Variants in DGKB observed in about 807,000 individuals in gnomAD.
The protein encoded by DGKB is diacylglycerol kinase beta.
DGKB carries 67 observed loss-of-function variants against 114.3 expected under a neutral mutation model. That is an observed-to-expected ratio of 0.59 (90% confidence interval 0.48 to 0.72). DGKB has a LOEUF of 0.72. DGKB is among the 30% of genes least tolerant of loss of function. DGKB has a pLI of 0.00. For missense variants in DGKB, 907 were observed against 975.2 expected (o/e 0.93, Z 0.93); for synonymous variants, 398 against 323.1 (o/e 1.23, Z -2.49).
In DGKB at chr7:14,705,800, G is replaced by A. The variant is rs554084121; in HGVS notation, c.467-4070C>T. Reference sequence around the variant, plus strand: ...TGTCACCACCAGACCTGCCCTAAAAGAGCTCCTGAAGGAAGCGCTAAATAT... The same window carrying A: ...TGTCACCACCAGACCTGCCCTAAAAAAGCTCCTGAAGGAAGCGCTAAATAT... On this transcript the variant is annotated intron_variant, in intron 6 of 25. Coordinates refer to ENST00000402815, the MANE Select transcript of DGKB (RefSeq NM_001350709.2). 8.1e-3 allele frequency among the ~76,000 whole-genome samples: 1,226 copies of A among 151,278 alleles called. 21 individuals are homozygous for A. Among genetic ancestry groups the A allele is most frequent in the African/African-American group, 0.028 (1,160 of 41,164 alleles).
intron 20 of DGKB, among the ~76,000 whole-genome samples, chr7:14,527,143 G>A (rs372768560): frequency 6.6e-6 from 1 of 152,058 alleles, no homozygotes; most frequent in African/African-American, 2.4e-5. Context: ...TGGGTCACCA[G>A]GTCTTGCCTA....
At chr7:14,666,828 G>A (rs1301792009) in intron 13 of DGKB, among the ~76,000 whole-genome samples, 1 of 151,674 alleles carries the variant, frequency 6.6e-6, no homozygotes, top group African/African-American at 2.4e-5. Flanking sequence ...GGAAAATCTT[G>A]ACTAAATCAC....
At position 14,188,551 on chromosome 7, in the gene DGKB, T is replaced by G. The variant is rs6974081; in HGVS notation, c.2123-10400A>C. Among the ~76,000 whole-genome samples, 2 of 141,998 alleles carry G rather than the reference T, an allele frequency of 1.4e-5. 1 individual carries two copies. Among genetic ancestry groups the G allele is most frequent in the Non-Finnish European group, 3.1e-5 (2 of 65,172 alleles). The allele number at this position is 141,998 out of a possible 152,430, so 93.2% of individuals were successfully genotyped here. A position where few individuals can be genotyped will look rare whatever the true frequency, so the allele number is the denominator to read the frequency against. On this transcript the variant is annotated intron_variant, in intron 23 of 25. Coordinates refer to ENST00000402815, the MANE Select transcript of DGKB (RefSeq NM_001350709.2). ...GGCGGGCGCCTGTAGTCCCAGCTAC[T>G]TGGGAGGCTGAGGCAGGAGAATGGC...
intron 25 of DGKB, among the ~76,000 whole-genome samples, chr7:14,165,301 T>C (rs1784458373): frequency 6.6e-6 from 1 of 152,202 alleles, no homozygotes; most frequent in African/African-American, 2.4e-5. Flanking sequence ...ACAGAAGTTT[T>C]AATAAAATGG....
chr7:14,158,795 T>C (rs1783429008), intron 25 of DGKB, among the ~76,000 whole-genome samples: 1 of 152,184 alleles, frequency 6.6e-6, no homozygotes, highest in South Asian at 2.1e-4. Flanking sequence ...TTTCAAGGTA[T>C]TGTTTCATCA....
At chr7:14,930,683 T>G (rs1303700954) in intron 1 of DGKB, among the ~76,000 whole-genome samples, 1 of 152,216 alleles carries the variant, frequency 6.6e-6, no homozygotes, top group Non-Finnish European at 1.5e-5. Flanking sequence ...TTTTCCAGTT[T>G]GTATGCCTTG....
intron 23 of DGKB, among the ~76,000 whole-genome samples, chr7:14,222,511 T>C (rs577267291): frequency 6.6e-6 from 1 of 151,456 alleles, no homozygotes; most frequent in Non-Finnish European, 1.5e-5. Context: ...TTGTATTATT[T>C]TTCATCTTTG....
chr7:14,595,914 C>T (rs1026395068), intron 17 of DGKB, among the ~76,000 whole-genome samples: 9 of 151,984 alleles, frequency 5.9e-5, no homozygotes, highest in African/African-American at 1.2e-4. Flanking sequence ...TTGTTAAATA[C>T]GTGAAAATCA....
intron 23 of DGKB, among the ~76,000 whole-genome samples, chr7:14,300,823 A>C (rs900678662): frequency 2.2e-4 from 33 of 152,146 alleles, no homozygotes; most frequent in Non-Finnish European, 1.9e-4. Context: ...TCAACAATGA[A>C]CTTTAAGGTA....
chr7:14,249,563 T>G, intron 23 of DGKB, among the ~76,000 whole-genome samples: 1 of 152,292 alleles, frequency 6.6e-6, no homozygotes, highest in East Asian at 1.9e-4. Flanking sequence ...TCATTTAGTT[T>G]TGGTAGAGTG....
chr7:14,262,274 C>T (rs1203809883), intron 23 of DGKB, among the ~76,000 whole-genome samples: 2 of 152,142 alleles, frequency 1.3e-5, no homozygotes, highest in South Asian at 2.1e-4. Flanking sequence ...TTTATGTCCC[C>T]TCAAAATTCA....
intron 21 of DGKB, among the ~76,000 whole-genome samples, chr7:14,391,521 T>A (rs73064064): frequency 9.3e-4 from 106 of 113,692 alleles, no homozygotes; most frequent in East Asian, 1.2e-3. Flanking sequence ...GAAAAAAAAA[T>A]AAAAAAAAAA....
rs189872052 is a variant in DGKB, at chr7:14,953,517, C to T, written c.-188+21179G>A. Among the ~76,000 whole-genome samples, 19 of 152,052 alleles carry T rather than the reference C, an allele frequency of 1.2e-4. No individual in the cohort carries two copies. The East Asian group carries it at 1.4e-3, about 11-fold the overall frequency. On this transcript the variant is annotated intron_variant, in intron 1 of 4. Transcript: ENST00000437998. The stretch of plus-strand genomic sequence containing the variant: ...ACAATGAGATATCACTTCCCACACA[C>T]GAGGATGATTATAATAAAGACAGGT...
At chr7:14,683,647 T>C (rs920070975) in intron 10 of DGKB, among the ~76,000 whole-genome samples, 1 of 152,050 alleles carries the variant, frequency 6.6e-6, no homozygotes, top group African/African-American at 2.4e-5. Context: ...AATGCATAAA[T>C]ATATAAAACA....
chr7:14,546,103 T>C (rs1173664591), intron 20 of DGKB, among the ~76,000 whole-genome samples: 1 of 152,226 alleles, frequency 6.6e-6, no homozygotes, highest in Non-Finnish European at 1.5e-5. Context: ...ATCTTTTCAG[T>C]TACATTGCAA....
At chr7:14,192,001 A>C in intron 23 of DGKB, 1 of 556,458 alleles carries the variant, frequency 1.8e-6, no homozygotes, top group South Asian at 1.5e-5. Context: ...TCCTGTGTTG[A>C]GAGCTTTTCT....
intron 13 of DGKB, 73 bp from the exon 14 acceptor site, chr7:14,630,341 T>C (rs886697980): frequency 1.8e-6 from 2 of 1,085,874 alleles, no homozygotes; most frequent in African/African-American, 1.6e-5. Flanking sequence ...AAGTTTCTCA[T>C]ATCATTACAT....
At chr7:14,358,259 A>G (rs1814980452) in intron 21 of DGKB, among the ~76,000 whole-genome samples, 1 of 152,106 alleles carries the variant, frequency 6.6e-6, no homozygotes, top group African/African-American at 2.4e-5. Context: ...CTTTTCACAT[A>G]GTCCCATATT....
intron 2 of DGKB, among the ~76,000 whole-genome samples, chr7:14,790,582 G>A (rs1840532494): frequency 6.6e-6 from 1 of 151,862 alleles, no homozygotes; most frequent in Admixed American, 6.6e-5. Flanking sequence ...TTCTAATATT[G>A]AGCTCTTGTC....
Sources: allele counts gnomAD v4.1 joint callset (sites outside exome capture counted in the v4.1 genomes callset), GRCh38; gene constraint gnomAD v4.1.1; transcripts MANE v1.5; gene names NCBI Gene and HGNC (gene_info 2026-07-23, HGNC 2026-07-21).